AP1AR: variants seen among roughly 807,000 people sequenced by gnomAD.
AP1AR encodes AP-1 complex-associated regulatory protein.
Under a neutral mutation model 46.3 loss-of-function variants are expected in AP1AR, and 29 were observed. The ratio of observed to expected loss-of-function variants is 0.63; its 90% CI spans 0.47 to 0.85. AP1AR has a LOEUF of 0.85. AP1AR is among the 40% of genes least tolerant of loss of function. The pLI is 0.00. For synonymous variants in AP1AR, 122 were observed against 122.9 expected, an observed-to-expected ratio of 0.99 and a Z score of 0.05; for missense variants, 357 against 356.3, an observed-to-expected ratio of 1.00 and a Z score of -0.02.
chr4:112,256,377 A>G (rs1365139720), intron 3 of AP1AR, among the ~76,000 whole-genome samples: 1 of 152,184 alleles, frequency 6.6e-6, no homozygotes, highest in African/African-American at 2.4e-5. Flanking sequence ...TGGACATGAT[A>G]TTTTTAAAGC....
At chr4:112,243,369 CTT>C (rs758260878) in intron 1 of AP1AR, among the ~76,000 whole-genome samples, 4 of 152,218 alleles carry the variant, frequency 2.6e-5, no homozygotes, top group Non-Finnish European at 5.9e-5. Context: ...CCCATCATCT[CTT>C]GTTTTCCAGT....
chr4:112,262,243 G>A (rs1726483069), intron 5 of AP1AR, among the ~76,000 whole-genome samples: 2 of 152,176 alleles, frequency 1.3e-5, no homozygotes, highest in African/African-American at 4.8e-5. Flanking sequence ...GAGCCCAGGA[G>A]GTCAAGGCTG....
rs1726654014 is a variant in AP1AR at position 112,265,317 on chromosome 4, C to T, written c.440+250C>T. 8 of 395,234 alleles carry T rather than the reference C, an allele frequency of 2.0e-5. No homozygotes were observed. The East Asian group carries it at 3.3e-4, about 17-fold the overall frequency. 24.5% of individuals were successfully genotyped at this position (395,234 alleles called of 1,614,324 possible). On this transcript the variant is annotated intron_variant, in intron 7 of 9. Coordinates refer to ENST00000274000, the MANE Select transcript of AP1AR (RefSeq NM_018569.6). Reference sequence around the variant, plus strand: ...TTCCCATATAGATGTGATACAATAGCTGAATGCCTTTGGGTGAGTTGTTTA... The same window carrying T: ...TTCCCATATAGATGTGATACAATAGTTGAATGCCTTTGGGTGAGTTGTTTA...
rs1157305418 is a variant in AP1AR at position 112,272,340 on chromosome 4, T to C, written c.*3931T>C. On this transcript the variant is annotated 3_prime_UTR_variant, in exon 10 of 10. Transcript: ENST00000274000. ...GAGCTCATGGGCAACAACTTCCCAA[T>C]AAGAATTTAAGATGGCAGAGTTTGG... 6.6e-6 allele frequency among the ~76,000 whole-genome samples: 1 copy of C among 152,082 alleles called. No individual in the cohort carries two copies. The highest frequency in any genetic ancestry group is 1.5e-5 in the Non-Finnish European group (1 of 67,998).
chr4:112,268,991 G>A lies in AP1AR; in HGVS notation c.*582G>A, dbSNP rs1726833970. 6.6e-6 allele frequency: 1 copy of A among 151,372 alleles called. No homozygotes were observed. The highest frequency in any genetic ancestry group is 6.6e-5 in the Admixed American group (1 of 15,184). 9.4% of individuals were successfully genotyped at this position (151,372 alleles called of 1,614,324 possible). ...TACATGTGTTTATTTACATGTCCTA[G>A]TATGATAATGTTGATTCAATCTGAA... On this transcript the variant is annotated 3_prime_UTR_variant, in exon 10 of 10. Transcript: ENST00000274000.
intron 3 of AP1AR, among the ~76,000 whole-genome samples, chr4:112,255,349 G>T (rs1182341179): frequency 6.6e-6 from 1 of 152,172 alleles, no homozygotes; most frequent in Non-Finnish European, 1.5e-5. Flanking sequence ...TCAGAAAGTT[G>T]TATTTCTAAT....
intron 1 of AP1AR, among the ~76,000 whole-genome samples, chr4:112,247,164 ATATGTATGTAT>A (rs1039647982): frequency 2.6e-5 from 4 of 152,182 alleles, no homozygotes; most frequent in African/African-American, 9.7e-5. Context: ...AACAATAGGC[ATATGTATGTAT>A]TGGTAGTAAC....
intron 5 of AP1AR, among the ~76,000 whole-genome samples, chr4:112,262,321 G>T (rs1338280628): frequency 6.6e-6 from 1 of 152,148 alleles, no homozygotes; most frequent in Non-Finnish European, 1.5e-5. Context: ...AGAAAAGTAT[G>T]TTTAGGACCA....
chr4:112,254,961 G>A (rs1397296963), intron 3 of AP1AR, 188 bp downstream of exon 3: 60 of 357,840 alleles, frequency 1.7e-4, no homozygotes, highest in Admixed American at 6.4e-4. Context: ...AAATAATTCC[G>A]AATTTTTTTT....
chr4:112,256,130 T>G (rs530225065), intron 3 of AP1AR, among the ~76,000 whole-genome samples: 3 of 152,358 alleles, frequency 2.0e-5, no homozygotes, highest in Non-Finnish European at 2.9e-5. Flanking sequence ...GATAAACTAT[T>G]GTTAAACTGA....
At chr4:112,250,449 T>C (rs962629956) in intron 1 of AP1AR, among the ~76,000 whole-genome samples, 4 of 152,138 alleles carry the variant, frequency 2.6e-5, no homozygotes, top group African/African-American at 7.2e-5. Context: ...ATGTGAAAAG[T>C]TATGGTTTTA....
At chr4:112,245,228 A>G (rs559856031) in intron 1 of AP1AR, among the ~76,000 whole-genome samples, 1 of 152,268 alleles carries the variant, frequency 6.6e-6, no homozygotes, top group South Asian at 2.1e-4. Flanking sequence ...TTTATGCATA[A>G]TACAATTAAA....
rs1726939788 is a variant in AP1AR, at chr4:112,271,310, C to G, written c.*2901C>G. Reference sequence around the variant, plus strand: ...GCAAAAGGCTGCCGTGAGGCAATTTCTCATCCAGCTGGTTTCCAGTGACCT... The same window carrying G: ...GCAAAAGGCTGCCGTGAGGCAATTTGTCATCCAGCTGGTTTCCAGTGACCT... On this transcript the variant is annotated 3_prime_UTR_variant, in exon 10 of 10. Coordinates refer to ENST00000274000, the MANE Select transcript of AP1AR (RefSeq NM_018569.6). Among the ~76,000 whole-genome samples, 1 of 152,228 alleles carries G rather than the reference C, an allele frequency of 6.6e-6. No homozygotes were observed. The highest frequency in any genetic ancestry group is 1.5e-5 in the Non-Finnish European group (1 of 68,028).
chr4:112,268,343 A>AAATCCTGTAT lies in AP1AR; in HGVS notation c.844_853dup (p.Leu285Ter), dbSNP rs771373449. The stretch of plus-strand genomic sequence containing the variant: ...GAAATTCCGAGTATTCTGGATTTGT[A>AAATCCTGTAT]AATCCTGTATTAGAACTGTCTGATT... On this transcript the variant is annotated frameshift_variant, in exon 10 of 10. Transcript: ENST00000274000. LOFTEE classifies it high-confidence loss of function. 6.2e-7 allele frequency: 1 copy of AAATCCTGTAT among 1,612,848 alleles called. No individual in the cohort carries two copies. The highest frequency in any genetic ancestry group is 8.5e-7 in the Non-Finnish European group (1 of 1,179,180).
At chr4:112,262,881 AT>A in intron 5 of AP1AR, 106 bp from the exon 6 acceptor site, 1 of 747,028 alleles carries the variant, frequency 1.3e-6, no homozygotes, top group Non-Finnish European at 2.3e-6. Context: ...GAGATCAATT[AT>A]TTTTTAATAA....
intron 1 of AP1AR, among the ~76,000 whole-genome samples, chr4:112,235,019 A>G (rs954030478): frequency 3.3e-5 from 5 of 152,186 alleles, no homozygotes; most frequent in Non-Finnish European, 5.9e-5. Context: ...ATATTCTAGG[A>G]TATCTGTTTC....
chr4:112,248,827 G>A (rs774490187), intron 1 of AP1AR, among the ~76,000 whole-genome samples: 5 of 152,134 alleles, frequency 3.3e-5, no homozygotes, highest in South Asian at 4.2e-4. Context: ...TGACCCTCTC[G>A]CTTTCTTAGA....
At chr4:112,266,194 C>A (rs1726696601) in intron 8 of AP1AR, among the ~76,000 whole-genome samples, 2 of 151,776 alleles carry the variant, frequency 1.3e-5, no homozygotes, top group African/African-American at 4.8e-5. Context: ...AAAGCAAAAA[C>A]TCTTATGCTT....
intron 1 of AP1AR, among the ~76,000 whole-genome samples, chr4:112,247,770 T>G (rs1560605622): frequency 6.6e-6 from 1 of 152,232 alleles, no homozygotes; most frequent in Non-Finnish European, 1.5e-5. Context: ...TCCAGTGAAG[T>G]TGTTACAGCT....
Sources: allele counts gnomAD v4.1 joint callset (sites outside exome capture counted in the v4.1 genomes callset), GRCh38; gene constraint gnomAD v4.1.1; transcripts MANE v1.5; gene names NCBI Gene and HGNC (gene_info 2026-07-23, HGNC 2026-07-21).